Variants in TENM2 observed in about 807,000 individuals in gnomAD.
The protein encoded by TENM2 is teneurin transmembrane protein 2.
Under a neutral mutation model 245.2 loss-of-function variants are expected in TENM2, and 52 were observed. The ratio of observed to expected loss-of-function variants is 0.21; its 90% CI spans 0.17 to 0.27. The LOEUF (loss-of-function observed/expected upper bound fraction) is 0.27. Ranked by LOEUF, TENM2 falls within the 10% of genes least tolerant of loss-of-function variation. The pLI, the probability that TENM2 is intolerant of heterozygous loss-of-function variation, is 1.00. For synonymous variants in TENM2, 1,363 were observed against 1,438.9 expected, an observed-to-expected ratio of 0.95 and a Z score of 1.19; for missense variants, 3,046 against 3,666.8, an observed-to-expected ratio of 0.83 and a Z score of 4.37.
intron 2 of TENM2, among the ~76,000 whole-genome samples, chr5:167,401,012 G>A (rs1392036988): frequency 6.6e-6 from 1 of 151,958 alleles, no homozygotes; most frequent in African/African-American, 2.4e-5. Flanking sequence ...GATTGCTTGA[G>A]CCCAGGAGGT....
chr5:167,851,617 C>T (rs923985985), intron 2 of TENM2, among the ~76,000 whole-genome samples: 1 of 152,060 alleles, frequency 6.6e-6, no homozygotes, highest in Non-Finnish European at 1.5e-5. Context: ...TAAAAAAGTT[C>T]CAGGGCTTAA....
chr5:167,798,742 G>T (rs1048326265), intron 2 of TENM2, among the ~76,000 whole-genome samples: 1 of 152,192 alleles, frequency 6.6e-6, no homozygotes, highest in Non-Finnish European at 1.5e-5. Flanking sequence ...CATTTAGTCA[G>T]CTTTTACTGT....
the TENM2 span, among the ~76,000 whole-genome samples, chr5:167,278,418 A>T: frequency 2.2e-4 from 33 of 152,294 alleles, no homozygotes; most frequent in African/African-American, 7.2e-4. Context: ...ATTTACATTT[A>T]AAAAAGCATT....
intron 1 of TENM2, among the ~76,000 whole-genome samples, chr5:167,354,225 G>T (rs1431007458): frequency 6.6e-6 from 1 of 152,200 alleles, no homozygotes; most frequent in East Asian, 1.9e-4. Flanking sequence ...TGGTGTCACA[G>T]TTCCTGAGAC....
At chr5:167,463,795 C>T (rs186281246) in intron 2 of TENM2, among the ~76,000 whole-genome samples, 23 of 152,220 alleles carry the variant, frequency 1.5e-4, no homozygotes, top group Middle Eastern at 3.4e-3. Flanking sequence ...TGCGCCCAGC[C>T]GAAGATATTT....
intron 2 of TENM2, among the ~76,000 whole-genome samples, chr5:167,379,655 C>A (rs986922424): frequency 1.3e-5 from 2 of 151,966 alleles, no homozygotes; most frequent in South Asian, 2.1e-4. Flanking sequence ...TAATCCCTCA[C>A]GTAAAATCAC....
At chr5:167,330,789 T>C (rs1757415427) in intron 1 of TENM2, among the ~76,000 whole-genome samples, 1 of 152,234 alleles carries the variant, frequency 6.6e-6, no homozygotes, top group Non-Finnish European at 1.5e-5. Context: ...TTTCTAGCAT[T>C]TCTCACTTAA....
At chr5:168,015,407 G>C (rs892667478) in intron 5 of TENM2, among the ~76,000 whole-genome samples, 1 of 152,170 alleles carries the variant, frequency 6.6e-6, no homozygotes, top group Non-Finnish European at 1.5e-5. Context: ...CCCAGTACCC[G>C]GGTAGCCAGA....
chr5:167,790,440 G>A (rs921141826), intron 2 of TENM2, among the ~76,000 whole-genome samples: 1 of 152,168 alleles, frequency 6.6e-6, no homozygotes, highest in Non-Finnish European at 1.5e-5. Flanking sequence ...CTTAGAAAAT[G>A]CACACGCTTG....
intron 1 of TENM2, among the ~76,000 whole-genome samples, chr5:167,365,700 A>G (rs1760008506): frequency 6.6e-6 from 1 of 152,032 alleles, no homozygotes; most frequent in Non-Finnish European, 1.5e-5. Flanking sequence ...CCATATATTG[A>G]TGATAAAATG....
At chr5:167,472,469 G>C (rs1767092919) in intron 2 of TENM2, among the ~76,000 whole-genome samples, 1 of 152,176 alleles carries the variant, frequency 6.6e-6, no homozygotes. Context: ...AGTAATGACT[G>C]TCCTGAATGA....
At chr5:167,777,881 G>A (rs528115333) in intron 2 of TENM2, among the ~76,000 whole-genome samples, 28 of 152,258 alleles carry the variant, frequency 1.8e-4, no homozygotes, top group South Asian at 4.1e-4. Context: ...GTGCTTGTCC[G>A]AATTCTGTGG....
chr5:167,612,018 G>T (rs189406200), intron 2 of TENM2, among the ~76,000 whole-genome samples: 2 of 151,994 alleles, frequency 1.3e-5, no homozygotes, highest in South Asian at 4.1e-4. Flanking sequence ...CCTTTGATCC[G>T]TATTTCCACC....
intron 2 of TENM2, among the ~76,000 whole-genome samples, chr5:167,380,061 G>T (rs1425160575): frequency 1.3e-5 from 2 of 151,864 alleles, no homozygotes; most frequent in East Asian, 1.9e-4. Context: ...AGTATGAAAT[G>T]AGTTATCATG....
chr5:167,321,415 G>A (rs929492144), intron 1 of TENM2, among the ~76,000 whole-genome samples: 4 of 152,134 alleles, frequency 2.6e-5, no homozygotes, highest in African/African-American at 9.7e-5. Flanking sequence ...AAGTTATTTT[G>A]AAGGTAATTT....
At chr5:167,550,253 G>A (rs138871246) in intron 2 of TENM2, among the ~76,000 whole-genome samples, 4 of 152,242 alleles carry the variant, frequency 2.6e-5, no homozygotes, top group African/African-American at 7.2e-5. Flanking sequence ...CAAGCTAGAG[G>A]CAAATGTACG....
At chr5:167,394,474 C>A (rs1244052619) in intron 2 of TENM2, among the ~76,000 whole-genome samples, 1 of 151,992 alleles carries the variant, frequency 6.6e-6, no homozygotes, top group African/African-American at 2.4e-5. Context: ...TTCTATTGGT[C>A]TATGTGTCTG....
At chr5:167,981,049 C>G (rs1220073904) in intron 4 of TENM2, among the ~76,000 whole-genome samples, 1 of 152,196 alleles carries the variant, frequency 6.6e-6, no homozygotes, top group Non-Finnish European at 1.5e-5. Flanking sequence ...GGACCTTTCT[C>G]TGGGAACAGC....
chr5:167,429,541 ACTTGTGGGGAGAG>A (rs1309269498), intron 2 of TENM2, among the ~76,000 whole-genome samples: 7 of 151,358 alleles, frequency 4.6e-5, no homozygotes, highest in Admixed American at 4.6e-4. Flanking sequence ...ATAAAATATA[ACTTGTGGGGAGAG>A]CCGTGGAGGT....
Sources: allele counts gnomAD v4.1 joint callset (sites outside exome capture counted in the v4.1 genomes callset), GRCh38; gene constraint gnomAD v4.1.1; transcripts MANE v1.5; gene names NCBI Gene and HGNC (gene_info 2026-07-23, HGNC 2026-07-21).